The following LRP1B variants were observed in gnomAD, a reference collection of about 807,000 sequenced individuals.
The protein encoded by LRP1B is low-density lipoprotein receptor-related protein 1B.
In LRP1B, 217 loss-of-function variants were observed where a neutral mutation model predicts 556.6. That is an observed-to-expected ratio of 0.39 (90% CI 0.35 to 0.44). The LOEUF (loss-of-function observed/expected upper bound fraction) is 0.44, where lower values mean the gene tolerates loss of function less well. LRP1B is among the 20% of genes least tolerant of loss of function. LRP1B has a pLI of 1.00. For missense variants in LRP1B, 5,053 were observed against 5,620.8 expected (o/e 0.90, Z 3.23); for synonymous variants, 2,047 against 1,865.8 (o/e 1.10, Z -2.50).
intron 7 of LRP1B, among the ~76,000 whole-genome samples, chr2:141,178,833 ACCTTGAT>A: frequency 7.2e-6 from 1 of 138,610 alleles, no homozygotes; most frequent in Non-Finnish European, 1.6e-5. Flanking sequence ...AATGAAAGGA[ACCTTGAT>A]TCTTGAATAA....
intron 2 of LRP1B, among the ~76,000 whole-genome samples, chr2:141,722,146 G>A (rs922500359): frequency 1.3e-5 from 2 of 152,144 alleles, no homozygotes; most frequent in Admixed American, 1.3e-4. Flanking sequence ...GGTAGGCCTA[G>A]ACAGGTGGAC....
intron 32 of LRP1B, among the ~76,000 whole-genome samples, chr2:140,805,770 A>T (rs569268779): frequency 6.6e-6 from 1 of 152,326 alleles, no homozygotes; most frequent in Non-Finnish European, 1.5e-5. Flanking sequence ...CAAAATAACA[A>T]TTACTTTTGC....
At chr2:141,645,384 G>C (rs1167805171) in intron 2 of LRP1B, among the ~76,000 whole-genome samples, 1 of 151,138 alleles carries the variant, frequency 6.6e-6, no homozygotes, top group Non-Finnish European at 1.5e-5. Flanking sequence ...TCAGCCTCAT[G>C]GTGACTTAAT....
At chr2:141,775,842 CTT>C (rs770939865) in intron 2 of LRP1B, among the ~76,000 whole-genome samples, 8 of 134,500 alleles carry the variant, frequency 5.9e-5, no homozygotes, top group Admixed American at 7.6e-5. Context: ...TCAGGTTTTC[CTT>C]TTTTTTTTTT....
At chr2:141,754,401 T>G (rs539145916) in intron 2 of LRP1B, among the ~76,000 whole-genome samples, 1 of 152,310 alleles carries the variant, frequency 6.6e-6, no homozygotes, top group Admixed American at 6.5e-5. Flanking sequence ...GTCAGCAGTG[T>G]ATAATTCAAG....
At chr2:141,575,775 C>T (rs551199502) in intron 2 of LRP1B, among the ~76,000 whole-genome samples, 2 of 150,542 alleles carry the variant, frequency 1.3e-5, no homozygotes, top group Non-Finnish European at 3.0e-5. Context: ...ACAACTCCGT[C>T]AAAAAGTGGC....
intron 82 of LRP1B, 51 bp from the exon 83 acceptor site, chr2:140,315,150 A>C (rs2105037328): frequency 7.9e-6 from 10 of 1,264,424 alleles, no homozygotes; most frequent in Non-Finnish European, 1.1e-5. Flanking sequence ...GGAGTAATTT[A>C]ATAAAATAAT....
rs77301664 is a variant in LRP1B at position 142,111,962 on chromosome 2, C to A, written c.82+18686G>T. Reference sequence around the variant, plus strand: ...ATGTAATTGATCAGAGGTCACAGTGCTATATAAGTGCAGTCTTTTCTTATA... The same window carrying A: ...ATGTAATTGATCAGAGGTCACAGTGATATATAAGTGCAGTCTTTTCTTATA... On this transcript the variant is annotated intron_variant, in intron 1 of 90. Coordinates refer to ENST00000389484, the MANE Select transcript of LRP1B (RefSeq NM_018557.3). Among the ~76,000 whole-genome samples the A allele has an allele frequency of 2.7e-3, 404 of 152,106 alleles. 4 individuals carry two copies. The East Asian group carries it at 0.048, about 18-fold the overall frequency.
chr2:141,828,616 T>G (rs1359625131), intron 1 of LRP1B, among the ~76,000 whole-genome samples: 2 of 152,026 alleles, frequency 1.3e-5, no homozygotes, highest in African/African-American at 4.8e-5. Flanking sequence ...TTTAAGTGGG[T>G]TTTTCATAAG....
chr2:141,076,748 G>A (rs1201166258), intron 7 of LRP1B, among the ~76,000 whole-genome samples: 2 of 152,142 alleles, frequency 1.3e-5, no homozygotes, highest in African/African-American at 2.4e-5. Context: ...CCTAGGTTCT[G>A]AGACTACAAC....
Position 140,598,638 on chromosome 2 carries a change from T to C in LRP1B, c.7187A>G (p.Gln2396Arg). The C allele has an allele frequency of 6.2e-7, 1 of 1,612,222 alleles. No individual in the cohort carries two copies. Among genetic ancestry groups the C allele is most frequent in the Non-Finnish European group, 8.5e-7 (1 of 1,178,480 alleles). ...KIERCEYDGS[Q>R]RHVIVKSGPG... ...AATTCCTGATTAACTTACATGTCTC[T>C]GGGATCCATCGTATTCACACCTTTC... The change falls in exon 43 of 91, where the codon CAG (glutamine) becomes CGG (arginine). Residue 2396 changes from glutamine to arginine, a missense_variant. Physicochemically the swap from Gln to Arg is conservative, Grantham distance 43. Around this residue, in one of 5 missense-constraint regions of LRP1B, gnomAD observed 3,619 missense variants for 3,931.9 expected, o/e 0.92. Coordinates refer to ENST00000389484, the MANE Select transcript of LRP1B (RefSeq NM_018557.3).
chr2:141,184,911 A>G (rs1008577685), intron 7 of LRP1B, among the ~76,000 whole-genome samples: 4 of 151,638 alleles, frequency 2.6e-5, no homozygotes, highest in Non-Finnish European at 4.4e-5. Context: ...ACACTTTATT[A>G]TATAATAGAT....
intron 2 of LRP1B, among the ~76,000 whole-genome samples, chr2:141,521,181 G>T (rs943475783): frequency 6.6e-6 from 1 of 152,058 alleles, no homozygotes; most frequent in Non-Finnish European, 1.5e-5. Flanking sequence ...GGCAGTTTCA[G>T]GTTCTTGGGT....
At chr2:141,725,100 C>A (rs1439746649) in intron 2 of LRP1B, among the ~76,000 whole-genome samples, 2 of 151,752 alleles carry the variant, frequency 1.3e-5, no homozygotes, top group Non-Finnish European at 3.0e-5. Context: ...TCACATAGTT[C>A]ATTCCTAAGT....
intron 66 of LRP1B, among the ~76,000 whole-genome samples, chr2:140,429,883 C>G (rs927917029): frequency 1.3e-5 from 2 of 151,012 alleles, no homozygotes; most frequent in African/African-American, 4.8e-5. Flanking sequence ...AATCTATTTT[C>G]TTCCTCACAC....
intron 1 of LRP1B, among the ~76,000 whole-genome samples, chr2:142,022,887 G>A (rs1034635748): frequency 6.6e-6 from 1 of 152,066 alleles, no homozygotes; most frequent in African/African-American, 2.4e-5. Context: ...CTGTTGGCCA[G>A]GATGGTCTTA....
At chr2:141,682,248 T>G (rs527745668) in intron 2 of LRP1B, among the ~76,000 whole-genome samples, 2 of 152,130 alleles carry the variant, frequency 1.3e-5, no homozygotes, top group Admixed American at 1.3e-4. Context: ...TTAGCCCAAA[T>G]TTTTGTTAAC....
chr2:140,568,395 T>C (rs1231848680), intron 43 of LRP1B, among the ~76,000 whole-genome samples: 1 of 151,876 alleles, frequency 6.6e-6, no homozygotes, highest in Non-Finnish European at 1.5e-5. Context: ...GAATAAAGAA[T>C]TTCTTAATCT....
intron 66 of LRP1B, among the ~76,000 whole-genome samples, chr2:140,427,975 C>T (rs1330221791): frequency 6.6e-6 from 1 of 152,128 alleles, no homozygotes; most frequent in Non-Finnish European, 1.5e-5. Flanking sequence ...GAGCTAAAGG[C>T]ATAGTCAAGG....
Sources: gnomAD v4.1 joint callset for allele counts (sites outside exome capture counted in the v4.1 genomes callset) on GRCh38, gnomAD v4.1.1 for gene constraint, gnomAD v4.1.1 regional missense constraint, MANE v1.5 for transcripts, NCBI Gene and HGNC (gene_info 2026-07-23, HGNC 2026-07-21) for gene names.